GRIA4: variants seen among roughly 807,000 people sequenced by gnomAD.
GRIA4 encodes the protein glutamate receptor 4.
GRIA4 carries 34 observed loss-of-function variants against 104.0 expected under a neutral mutation model. The observed-to-expected ratio is 0.33, with a 90% CI of 0.25 to 0.44. The LOEUF (loss-of-function observed/expected upper bound fraction) is 0.44. Among genes scored for constraint, GRIA4 ranks in the 20% least tolerant of loss-of-function variants. The probability of loss-of-function intolerance (pLI) is 1.00; values close to 1 mark genes in which losing one functional copy is unlikely to be tolerated. For missense variants in GRIA4, 750 were observed against 1,096.5 expected (o/e 0.68, Z 4.46); for synonymous variants, 386 against 381.9 (o/e 1.01, Z -0.13).
At chr11:105,750,096 C>T (rs1939912013) in intron 3 of GRIA4, among the ~76,000 whole-genome samples, 1 of 151,968 alleles carries the variant, frequency 6.6e-6, no homozygotes, top group Admixed American at 6.6e-5. Context: ...TGCTAAGCAA[C>T]AATAGATGTC....
chr11:105,931,302 A>ACACACC (rs1336933191), intron 13 of GRIA4, among the ~76,000 whole-genome samples: 11 of 148,526 alleles, frequency 7.4e-5, no homozygotes, highest in African/African-American at 2.7e-4. Context: ...ACACACACAC[A>ACACACC]CCAATCTTCA....
At chr11:105,667,912 T>C (rs1293962144) in intron 3 of GRIA4, among the ~76,000 whole-genome samples, 2 of 151,896 alleles carry the variant, frequency 1.3e-5, no homozygotes, top group East Asian at 3.8e-4. Flanking sequence ...ATATGTATTA[T>C]ATATAGTCAC....
chr11:105,637,774 T>C (rs1383016025), intron 3 of GRIA4, among the ~76,000 whole-genome samples: 1 of 152,160 alleles, frequency 6.6e-6, no homozygotes, highest in African/African-American at 2.4e-5. Context: ...CGAGGGCTAT[T>C]ATAGCATATT....
chr11:105,786,117 C>T (rs1353021333), intron 4 of GRIA4, among the ~76,000 whole-genome samples: 2 of 135,732 alleles, frequency 1.5e-5, no homozygotes, highest in South Asian at 4.7e-4. Context: ...TACATTCCAG[C>T]CTGGGCGACA....
At chr11:105,701,136 G>A (rs1290712251) in intron 3 of GRIA4, among the ~76,000 whole-genome samples, 3 of 152,152 alleles carry the variant, frequency 2.0e-5, no homozygotes, top group East Asian at 1.9e-4. Context: ...TCCTGAGACC[G>A]ACTGAGGCAC....
chr11:105,727,933 TA>T (rs1057206425), intron 3 of GRIA4, among the ~76,000 whole-genome samples: 4 of 151,980 alleles, frequency 2.6e-5, no homozygotes, highest in Non-Finnish European at 5.9e-5. Context: ...AACCAAAATG[TA>T]AAAACAGTCG....
At chr11:105,728,292 G>A (rs1261797887) in intron 3 of GRIA4, among the ~76,000 whole-genome samples, 1 of 152,138 alleles carries the variant, frequency 6.6e-6, no homozygotes, top group African/African-American at 2.4e-5. Context: ...ATTACATAAT[G>A]GTAAAGGGAT....
rs1859251474 is a variant in GRIA4 at position 105,981,582 on chromosome 11, C to CACACACAA, written c.*1850_*1851insAACACACA. On this transcript the variant is annotated 3_prime_UTR_variant, in exon 17 of 17. Transcript: ENST00000282499. ...ACACACACACACACACACACACACA[C>CACACACAA]ACACACACAAGTCCCTCAGGAAAAA... 1 of 154,350 alleles carries CACACACAA rather than the reference C, an allele frequency of 6.5e-6. No homozygotes were observed. Among genetic ancestry groups the CACACACAA allele is most frequent in the Admixed American group, 6.6e-5 (1 of 15,256 alleles). 9.6% of individuals were successfully genotyped at this position (154,350 alleles called of 1,614,324 possible). A position where few individuals can be genotyped will look rare whatever the true frequency, so the allele number is the denominator to read the frequency against.
chr11:105,783,744 T>TTG (rs56222983), intron 4 of GRIA4, among the ~76,000 whole-genome samples: 9,440 of 145,310 alleles, frequency 0.065, 368 homozygotes, highest in African/African-American at 0.11. Flanking sequence ...TGGATGTTAT[T>TTG]TGTGTGTGTG....
At chr11:105,655,349 T>A (rs556331305) in intron 3 of GRIA4, among the ~76,000 whole-genome samples, 23 of 152,252 alleles carry the variant, frequency 1.5e-4, no homozygotes, top group African/African-American at 2.2e-4. Context: ...TTCTTTTTTT[T>A]AAATTATACT....
intron 5 of GRIA4, among the ~76,000 whole-genome samples, chr11:105,867,864 A>G (rs1945483039): frequency 6.6e-6 from 1 of 152,106 alleles, no homozygotes; most frequent in Non-Finnish European, 1.5e-5. Flanking sequence ...AGTGGCATAC[A>G]CTCTGACAGT....
chr11:105,840,488 G>A (rs573697334), intron 4 of GRIA4, among the ~76,000 whole-genome samples: 5 of 152,260 alleles, frequency 3.3e-5, no homozygotes, highest in East Asian at 3.9e-4. Flanking sequence ...AGGGGAACAC[G>A]AACTGACTTA....
intron 6 of GRIA4, among the ~76,000 whole-genome samples, chr11:105,896,207 C>T (rs954934803): frequency 6.6e-6 from 1 of 151,968 alleles, no homozygotes; most frequent in Non-Finnish European, 1.5e-5. Flanking sequence ...CACATGTTTG[C>T]TGGCTGTTTG....
intron 6 of GRIA4, among the ~76,000 whole-genome samples, chr11:105,891,925 T>TAACATA (rs1216072451): frequency 6.6e-6 from 1 of 152,150 alleles, no homozygotes; most frequent in Non-Finnish European, 1.5e-5. Context: ...GCTTATCCTC[T>TAACATA]AGCACCCAGC....
intron 4 of GRIA4, among the ~76,000 whole-genome samples, chr11:105,845,301 T>C (rs940742405): frequency 6.6e-6 from 1 of 152,148 alleles, no homozygotes; most frequent in Non-Finnish European, 1.5e-5. Context: ...CCTTACATCA[T>C]GGTATGTGGT....
chr11:105,941,288 G>T (rs1027285494), intron 14 of GRIA4, among the ~76,000 whole-genome samples: 1 of 152,070 alleles, frequency 6.6e-6, no homozygotes, highest in Non-Finnish European at 1.5e-5. Context: ...CATACTTCAT[G>T]AAAATCTAAA....
rs577673725 is a variant in GRIA4 at position 105,823,914 on chromosome 11, C to A, written c.488-38110C>A. On this transcript the variant is annotated intron_variant, in intron 4 of 16. Coordinates refer to ENST00000282499, the MANE Select transcript of GRIA4 (RefSeq NM_000829.4). ...GTTAAAATGAAGCCATTAGTGTGGT[C>A]CCTAATCCAATTTGACTGATGTCCT... is the stretch of plus-strand genomic sequence containing the variant. Among the ~76,000 whole-genome samples, 4 of 152,136 alleles carry A rather than the reference C, an allele frequency of 2.6e-5. No homozygotes were observed. The East Asian group carries it at 7.8e-4, about 30-fold the overall frequency.
rs189681275 is a variant in GRIA4, at chr11:105,705,494, T to C, written c.248-47487T>C. 3.3e-5 allele frequency among the ~76,000 whole-genome samples: 5 copies of C among 151,750 alleles called. No homozygotes were observed. In the East Asian group the frequency reaches 9.7e-4, roughly 29 times the overall value. ...AGACAATTGATAAACTGGGAGAAAATGTTTGCAATGTGTAACACAAAGGAG... is the reference window on the plus strand; with the variant it reads ...AGACAATTGATAAACTGGGAGAAAACGTTTGCAATGTGTAACACAAAGGAG... On this transcript the variant is annotated intron_variant, in intron 3 of 16. Coordinates refer to ENST00000282499, the MANE Select transcript of GRIA4 (RefSeq NM_000829.4).
At chr11:105,897,250 G>A (rs1236486825) in intron 6 of GRIA4, among the ~76,000 whole-genome samples, 1 of 151,964 alleles carries the variant, frequency 6.6e-6, no homozygotes, top group African/African-American at 2.4e-5. Context: ...CTGATTTGGG[G>A]GCATTGATTT....
Sources: gnomAD v4.1 joint callset for allele counts (sites outside exome capture counted in the v4.1 genomes callset) on GRCh38, gnomAD v4.1.1 for gene constraint, MANE v1.5 for transcripts, NCBI Gene and HGNC (gene_info 2026-07-23, HGNC 2026-07-21) for gene names.